Variants in TBC1D4 observed in about 807,000 individuals in gnomAD.
TBC1D4 encodes TBC1 domain family member 4.
TBC1D4 carries 121 observed loss-of-function variants against 142.5 expected under a neutral mutation model. The observed-to-expected ratio is 0.85, with a 90% confidence interval of 0.73 to 0.99. TBC1D4 has a LOEUF of 0.99. TBC1D4 is among the 50% of genes least tolerant of loss of function. TBC1D4 has a pLI of 0.00. For synonymous variants in TBC1D4, 630 were observed against 628.2 expected, an observed-to-expected ratio of 1.00 and a Z score of -0.04; for missense variants, 1,475 against 1,606.6, an observed-to-expected ratio of 0.92 and a Z score of 1.40.
intron 1 of TBC1D4, among the ~76,000 whole-genome samples, chr13:75,391,032 C>CCA (rs71127539): frequency 0.011 from 1,441 of 136,782 alleles, 22 homozygotes; most frequent in African/African-American, 0.033. Context: ...TATTCCCCCA[C>CCA]CACACACACA....
chr13:75,478,892 C>T (rs1039965964), intron 1 of TBC1D4, among the ~76,000 whole-genome samples: 3 of 152,134 alleles, frequency 2.0e-5, no homozygotes, highest in African/African-American at 4.8e-5. Context: ...CAAAAGTGGC[C>T]GCTCATGGAT....
Position 75,319,545 on chromosome 13 carries a change from C to T in TBC1D4, c.2222+469G>A, listed in dbSNP as rs141875122. ...TTTAGCAGTGTCTCAAAGTGACCAA[C>T]GTGACAGGAATTTAGGTGAACAGAA... On this transcript the variant is annotated intron_variant, in intron 12 of 20. Coordinates refer to ENST00000377636, the MANE Select transcript of TBC1D4 (RefSeq NM_014832.5). 1.4e-3 allele frequency among the ~76,000 whole-genome samples: 213 copies of T among 152,260 alleles called. 1 individual carries two copies. The highest frequency in any genetic ancestry group is 4.7e-3 in the African/African-American group (195 of 41,544).
intron 4 of TBC1D4, among the ~76,000 whole-genome samples, chr13:75,354,794 T>C (rs1026814093): frequency 2.0e-5 from 3 of 152,192 alleles, no homozygotes; most frequent in Non-Finnish European, 2.9e-5. Context: ...ATCGGTTTTC[T>C]TTGGCTTTCT....
intron 16 of TBC1D4, among the ~76,000 whole-genome samples, chr13:75,301,857 C>T (rs1056035643): frequency 6.6e-6 from 1 of 152,152 alleles, no homozygotes; most frequent in East Asian, 1.9e-4. Context: ...ATACCTAGTA[C>T]ACCTTTGTTA....
At chr13:75,293,294 T>C (rs1875536861) in intron 18 of TBC1D4, among the ~76,000 whole-genome samples, 1 of 152,226 alleles carries the variant, frequency 6.6e-6, no homozygotes, top group Non-Finnish European at 1.5e-5. Flanking sequence ...GAATCATTAT[T>C]TCATAGTAAT....
chr13:75,450,563 G>A (rs9543930), intron 1 of TBC1D4, among the ~76,000 whole-genome samples: 151,206 of 152,318 alleles, frequency 0.99, 75,062 homozygotes, highest in Middle Eastern at 1. Context: ...CACTGTGATC[G>A]ATACTCTAAT....
At chr13:75,364,060 G>T (rs937830575) in intron 1 of TBC1D4, among the ~76,000 whole-genome samples, 55 of 152,178 alleles carry the variant, frequency 3.6e-4, no homozygotes, top group Non-Finnish European at 1.2e-4. Flanking sequence ...GATCCACAAA[G>T]GTGGGAGAAC....
At chr13:75,399,099 T>C (rs1222897671) in intron 1 of TBC1D4, among the ~76,000 whole-genome samples, 1 of 152,154 alleles carries the variant, frequency 6.6e-6, no homozygotes, top group Non-Finnish European at 1.5e-5. Context: ...CCCAGCACTT[T>C]GGGAGGCCGA....
intron 1 of TBC1D4, among the ~76,000 whole-genome samples, chr13:75,401,200 C>A (rs1885075783): frequency 6.6e-6 from 1 of 152,186 alleles, no homozygotes; most frequent in Non-Finnish European, 1.5e-5. Context: ...CCTGACCCAG[C>A]TCTACCCTCA....
At position 75,342,721 on chromosome 13, in the gene TBC1D4, TTC is replaced by T. The variant is rs1880814327; in HGVS notation, c.1409-1136_1409-1135del. Among the ~76,000 whole-genome samples the T allele has an allele frequency of 2.0e-5, 3 of 152,222 alleles. No homozygotes were observed. The South Asian group carries it at 6.2e-4, about 32-fold the overall frequency. ...GACCATTCATTTTTAAAGAACAGAT[TTC>T]TCTTTCTTCAAAAGAAGATTCAAAG... On this transcript the variant is annotated intron_variant, in intron 5 of 20. Transcript: ENST00000377636.
chr13:75,308,631 A>G (rs1220505744), intron 14 of TBC1D4, among the ~76,000 whole-genome samples: 1 of 152,160 alleles, frequency 6.6e-6, no homozygotes, highest in African/African-American at 2.4e-5. Flanking sequence ...CATGCATTAA[A>G]TTTTTTGAGG....
At chr13:75,395,114 G>A (rs1049415744) in intron 1 of TBC1D4, among the ~76,000 whole-genome samples, 52 of 152,204 alleles carry the variant, frequency 3.4e-4, no homozygotes, top group African/African-American at 1.1e-3. Context: ...TAAAAAGAAT[G>A]CTGCCATTCC....
chr13:75,294,737 C>T, intron 18 of TBC1D4, 117 bp downstream of exon 18: 1 of 1,058,044 alleles, frequency 9.5e-7, no homozygotes, highest in Non-Finnish European at 1.4e-6. Context: ...ATTCCATTAG[C>T]AATTTGCTAT....
At chr13:75,378,276 T>G (rs971360375) in intron 1 of TBC1D4, among the ~76,000 whole-genome samples, 2 of 152,170 alleles carry the variant, frequency 1.3e-5, no homozygotes, top group African/African-American at 4.8e-5. Flanking sequence ...TAGAAACTTT[T>G]GGAATGTTTT....
At chr13:75,294,250 A>G (rs947471216) in intron 18 of TBC1D4, among the ~76,000 whole-genome samples, 1 of 152,212 alleles carries the variant, frequency 6.6e-6, no homozygotes, top group African/African-American at 2.4e-5. Context: ...GCTTAGAGCA[A>G]GGCAGTTACT....
At chr13:75,339,503 C>T (rs1383691620) in intron 7 of TBC1D4, among the ~76,000 whole-genome samples, 1 of 152,162 alleles carries the variant, frequency 6.6e-6, no homozygotes, top group African/African-American at 2.4e-5. Context: ...AATCCCCAAG[C>T]ACAACCTCAA....
In TBC1D4 at chr13:75,404,063, T is replaced by TACACACACACACACACACAC. The variant is rs1345766063; in HGVS notation, c.499-41476_499-41457dup. 6.6e-3 allele frequency among the ~76,000 whole-genome samples: 987 copies of TACACACACACACACACACAC among 149,060 alleles called. 15 individuals carry two copies. Among genetic ancestry groups the TACACACACACACACACACAC allele is most frequent in the African/African-American group, 0.023 (897 of 39,424 alleles). ...CTTTTGTAGGGGGGATATATATACA[T>TACACACACACACACACACAC]ACACACACACACACACACACACACA... On this transcript the variant is annotated intron_variant, in intron 1 of 20. Transcript: ENST00000377636.
rs1888904733 is a variant in TBC1D4 at position 75,481,830 on chromosome 13, G to A, written c.-63C>T. Reference sequence around the variant, plus strand: ...GGCGCACCGCGCCCCCCACTCCCGCGCAGAAGGCGCCGCCGAAACTGTGCC... The same window carrying A: ...GGCGCACCGCGCCCCCCACTCCCGCACAGAAGGCGCCGCCGAAACTGTGCC... On this transcript the variant is annotated 5_prime_UTR_variant, in exon 1 of 21. Coordinates refer to ENST00000377636, the MANE Select transcript of TBC1D4 (RefSeq NM_014832.5). 3 of 1,419,298 alleles carry A rather than the reference G, an allele frequency of 2.1e-6. No homozygotes were observed. The highest frequency in any genetic ancestry group is 2.7e-6 in the Non-Finnish European group (3 of 1,096,578). The allele number at this position is 1,419,298 out of a possible 1,614,324, so 87.9% of individuals were successfully genotyped here.
chr13:75,445,443 C>G (rs1887234891), intron 1 of TBC1D4, among the ~76,000 whole-genome samples: 1 of 152,124 alleles, frequency 6.6e-6, no homozygotes, highest in Admixed American at 6.6e-5. Context: ...CTCATTTGCA[C>G]CAAAAATATA....
Sources: allele counts gnomAD v4.1 joint callset (sites outside exome capture counted in the v4.1 genomes callset), GRCh38; gene constraint gnomAD v4.1.1; transcripts MANE v1.5; gene names NCBI Gene and HGNC (gene_info 2026-07-23, HGNC 2026-07-21).